SWT1: variants seen among roughly 807,000 people sequenced by gnomAD.
SWT1 encodes the protein SWT1 RNA endoribonuclease homolog.
In SWT1, 33 loss-of-function variants were observed where a neutral mutation model predicts 107.3. The ratio of observed to expected loss-of-function variants is 0.31; its 90% CI spans 0.23 to 0.41. The LOEUF (loss-of-function observed/expected upper bound fraction) is 0.41, where lower values mean the gene tolerates loss of function less well. SWT1 is among the 10% of genes least tolerant of loss of function. The probability of loss-of-function intolerance (pLI) is 1.00; values close to 1 mark genes in which losing one functional copy is unlikely to be tolerated. For synonymous variants in SWT1, 345 were observed against 348.3 expected (o/e 0.99, Z 0.11); for missense variants, 898 against 1,028.9 (o/e 0.87, Z 1.74).
At chr1:185,290,617 A>G in intron 18 of SWT1, 57 bp from the exon 19 acceptor site, 1 of 1,334,672 alleles carries the variant, frequency 7.5e-7, no homozygotes, top group Non-Finnish European at 9.9e-7. Context: ...ATGAAAAAGA[A>G]TTTTTATTTC....
chr1:185,168,332 T>TTTTA lies in SWT1; in HGVS notation c.166-8_166-7insTTTA. Reference sequence around the variant, plus strand: ...ACAATTTATGTGTCCTTTTTTTATTTATTTCAGAAATCAGATCATACAGAT... The same window carrying TTTTA: ...ACAATTTATGTGTCCTTTTTTTATTTTTTAATTTCAGAAATCAGATCATACAGAT... On this transcript the variant is annotated splice_polypyrimidine_tract_variant and splice_region_variant and intron_variant, in intron 3 of 18. Coordinates refer to ENST00000367500, the MANE Select transcript of SWT1 (RefSeq NM_017673.7). 7.9e-7 allele frequency: 1 copy of TTTTA among 1,263,856 alleles called. No homozygotes were observed. Among genetic ancestry groups the TTTTA allele is most frequent in the Non-Finnish European group, 1.1e-6 (1 of 937,556 alleles). The allele number at this position is 1,263,856 out of a possible 1,614,324, so 78.3% of individuals were successfully genotyped here.
At chr1:185,209,488 T>C (rs1213339389) in intron 13 of SWT1, among the ~76,000 whole-genome samples, 1 of 152,116 alleles carries the variant, frequency 6.6e-6, no homozygotes, top group Non-Finnish European at 1.5e-5. Context: ...GGTTTTCTGT[T>C]CTTGTGTTAG....
intron 1 of SWT1, 160 bp downstream of exon 1, chr1:185,157,474 T>C (rs1319141836): frequency 2.0e-5 from 3 of 152,634 alleles, no homozygotes; most frequent in Non-Finnish European, 2.9e-5. Flanking sequence ...ACGAGCCAGC[T>C]CCGTGGAGGG....
chr1:185,191,725 A>G (rs1656966902), intron 10 of SWT1, among the ~76,000 whole-genome samples: 1 of 152,150 alleles, frequency 6.6e-6, no homozygotes, highest in Non-Finnish European at 1.5e-5. Flanking sequence ...AATCATTTTG[A>G]ATTTGAGATA....
At chr1:185,269,694 AGTT>A (rs1287482469) in intron 16 of SWT1, among the ~76,000 whole-genome samples, 3 of 152,228 alleles carry the variant, frequency 2.0e-5, no homozygotes, top group Non-Finnish European at 4.4e-5. Context: ...GGAATCTAAA[AGTT>A]AACCGAAGTG....
Position 185,180,404 on chromosome 1 carries a change from C to T in SWT1, c.980C>T (p.Pro327Leu), listed in dbSNP as rs369688585. Residue 327 changes from proline to leucine, a missense_variant, in exon 6 of 19, where the codon CCA becomes CTA. Transcript: ENST00000367500. ...RENLTQSFEA[P>L]CCSVSSESIQ... The stretch of plus-strand genomic sequence containing the variant: ...CTTTCATTTCAGAGTTTTGAAGCAC[C>T]ATGTTGTTCCGTGTCATCTGAAAGT... The T allele has an allele frequency of 1.3e-5, 21 of 1,612,924 alleles. 1 individual carries two copies. In the Middle Eastern group the frequency reaches 8.3e-4, roughly 63 times the overall value.
At chr1:185,157,961 C>T (rs2102276125) in intron 1 of SWT1, among the ~76,000 whole-genome samples, 1 of 152,224 alleles carries the variant, frequency 6.6e-6, no homozygotes, top group Admixed American at 6.5e-5. Flanking sequence ...TCTGTCCCCC[C>T]GCGATAAATC....
In SWT1 at chr1:185,255,298, A is replaced by G. The variant is rs577179424; in HGVS notation, c.2442-16025A>G. ...AGTTCTGTAGATGTCTATTAGGTCCACTTGGTGCAGAGCTGAGTTCAATTC... is the reference window on the plus strand; with the variant it reads ...AGTTCTGTAGATGTCTATTAGGTCCGCTTGGTGCAGAGCTGAGTTCAATTC... On this transcript the variant is annotated intron_variant, in intron 16 of 18. Coordinates refer to ENST00000367500, the MANE Select transcript of SWT1 (RefSeq NM_017673.7). Among the ~76,000 whole-genome samples the G allele has an allele frequency of 6.0e-5, 9 of 149,224 alleles. No homozygotes were observed. The East Asian group carries it at 7.9e-4, about 13-fold the overall frequency.
intron 3 of SWT1, among the ~76,000 whole-genome samples, chr1:185,167,520 T>C (rs1283076873): frequency 6.6e-6 from 1 of 152,214 alleles, no homozygotes; most frequent in Non-Finnish European, 1.5e-5. Context: ...TGTTTTCATA[T>C]AATTAAGCTG....
intron 12 of SWT1, among the ~76,000 whole-genome samples, chr1:185,205,467 CA>C (rs1457042634): frequency 6.6e-6 from 1 of 152,188 alleles, no homozygotes; most frequent in African/African-American, 2.4e-5. Context: ...CTCCCAGATT[CA>C]AGTGATTCTC....
chr1:185,254,869 G>A (rs533656121), intron 16 of SWT1, among the ~76,000 whole-genome samples: 7 of 152,092 alleles, frequency 4.6e-5, no homozygotes, highest in Non-Finnish European at 7.4e-5. Flanking sequence ...TAATTGTGAT[G>A]TTAGGGTGTC....
chr1:185,244,917 C>CA (rs1479123692), intron 16 of SWT1, among the ~76,000 whole-genome samples: 1 of 151,716 alleles, frequency 6.6e-6, no homozygotes. Context: ...ACCGTCTCTG[C>CA]AAAAAAATAA....
intron 5 of SWT1, among the ~76,000 whole-genome samples, chr1:185,179,334 T>C (rs1571427927): frequency 6.6e-6 from 1 of 152,196 alleles, no homozygotes; most frequent in East Asian, 1.9e-4. Flanking sequence ...TACATGTTAG[T>C]TTAGAGTTAC....
chr1:185,230,367 G>T (rs1010986477), intron 15 of SWT1, among the ~76,000 whole-genome samples: 1 of 152,152 alleles, frequency 6.6e-6, no homozygotes, highest in African/African-American at 2.4e-5. Flanking sequence ...TGGTTCTTCT[G>T]GAGTTTCTGA....
At chr1:185,199,568 G>T (rs558425950) in intron 10 of SWT1, among the ~76,000 whole-genome samples, 2 of 152,240 alleles carry the variant, frequency 1.3e-5, no homozygotes, top group African/African-American at 4.8e-5. Flanking sequence ...GTTGAATATT[G>T]GCCCCCACTC....
intron 13 of SWT1, among the ~76,000 whole-genome samples, chr1:185,212,771 C>G (rs1658920728): frequency 6.6e-6 from 1 of 150,458 alleles, no homozygotes; most frequent in African/African-American, 2.5e-5. Flanking sequence ...CCATTGCACT[C>G]CAGCCTGGGC....
chr1:185,241,864 C>A (rs1661276058), intron 16 of SWT1, among the ~76,000 whole-genome samples: 1 of 151,936 alleles, frequency 6.6e-6, no homozygotes, highest in South Asian at 2.1e-4. Context: ...ATAAGAAAAT[C>A]AGGAGGAAGG....
At chr1:185,227,941 A>G (rs2102554138) in intron 15 of SWT1, among the ~76,000 whole-genome samples, 1 of 150,008 alleles carries the variant, frequency 6.7e-6, no homozygotes, top group East Asian at 2.0e-4. Context: ...AAAATTAAAA[A>G]TTAGCTGGTC....
intron 14 of SWT1, among the ~76,000 whole-genome samples, chr1:185,221,473 T>C (rs1659652349): frequency 6.6e-6 from 1 of 152,162 alleles, no homozygotes; most frequent in African/African-American, 2.4e-5. Context: ...TTGCAGCCCT[T>C]TACATTTTCT....
Sources: gnomAD v4.1 joint callset for allele counts (sites outside exome capture counted in the v4.1 genomes callset) on GRCh38, gnomAD v4.1.1 for gene constraint, MANE v1.5 for transcripts, NCBI Gene and HGNC (gene_info 2026-07-23, HGNC 2026-07-21) for gene names.